The following ARSG variants were observed in gnomAD, a reference collection of about 807,000 sequenced individuals.
The protein encoded by ARSG is arylsulfatase G.
ARSG carries 37 observed loss-of-function variants against 50.5 expected under a neutral mutation model. That is an observed-to-expected ratio of 0.73 (90% confidence interval 0.56 to 0.96). ARSG has a LOEUF of 0.96. Among genes scored for constraint, ARSG ranks in the 50% least tolerant of loss-of-function variants. The pLI is 0.00. For synonymous variants in ARSG, 225 were observed against 254.6 expected (o/e 0.88, Z 1.11); for missense variants, 629 against 675.3 (o/e 0.93, Z 0.76).
upstream of ARSG, among the ~76,000 whole-genome samples, chr17:68,287,398 G>A (rs189383434): frequency 3.4e-3 from 514 of 151,792 alleles, 6 homozygotes; most frequent in African/African-American, 0.011. Context: ...GGACTCAAGC[G>A]ATCCTCCCAC....
rs202073915 is a variant in ARSG, at chr17:68,407,598, GT to G, written c.1303+6161del. Among the ~76,000 whole-genome samples, 310 of 144,316 alleles carry G rather than the reference GT, an allele frequency of 2.1e-3. 3 individuals are homozygous for G. Among genetic ancestry groups the G allele is most frequent in the African/African-American group, 6.3e-3 (250 of 39,602 alleles). The allele number at this position is 144,316 out of a possible 152,430, so 94.7% of individuals were successfully genotyped here. A position where few individuals can be genotyped will look rare whatever the true frequency, so the allele number is the denominator to read the frequency against. On this transcript the variant is annotated intron_variant, in intron 11 of 11. Coordinates refer to ENST00000621439, the MANE Select transcript of ARSG (RefSeq NM_001267727.2). ...CCTCCTTGGTTAGGTATATTCCTAA[GT>G]TTTTTTTTTTTTCAGCTATTGTAAA...
chr17:68,284,103 C>CAA (rs1189737736), intron 1 of ARSG, among the ~76,000 whole-genome samples: 1,241 of 55,756 alleles, frequency 0.022, 23 homozygotes, highest in Admixed American at 0.056. Flanking sequence ...GACTCTGTCT[C>CAA]AAAAAAAAAA....
At position 68,385,050 on chromosome 17, in the gene ARSG, C is replaced by A; in HGVS notation, c.983-14C>A. 1 of 1,610,124 alleles carries A rather than the reference C, an allele frequency of 6.2e-7. No homozygotes were observed. The highest frequency in any genetic ancestry group is 8.5e-7 in the Non-Finnish European group (1 of 1,176,506). ...TCACCATGGATGAACCAGCTGCCTC[C>A]CCTCCTCTCACAGGGGGAAGTCCAG... On this transcript the variant is annotated splice_polypyrimidine_tract_variant and intron_variant, in intron 8 of 11. Transcript: ENST00000621439.
Position 68,343,783 on chromosome 17 carries a change from G to A in ARSG, c.398G>A (p.Gly133Glu). The A allele has an allele frequency of 6.2e-7, 1 of 1,610,758 alleles. No individual in the cohort carries two copies. Among genetic ancestry groups the A allele is most frequent in the South Asian group, 1.1e-5 (1 of 90,894 alleles). ...EVLQQAGYVT[G>E]IIGKWHLGHH... ...CTGCAGCAGGCGGGTTACGTCACTG[G>A]GATAATAGGTAACTCTGGGCCCCGT... is the stretch of plus-strand genomic sequence containing the variant. Residue 133 changes from glycine (G) to glutamate (E), a missense_variant, in exon 3 of 12, where the codon GGG (glycine) becomes GAG (glutamate). Coordinates refer to ENST00000621439, the MANE Select transcript of ARSG (RefSeq NM_001267727.2).
At chr17:68,425,434 T>C (rs1248380141), downstream of ARSG, among the ~76,000 whole-genome samples, 1 of 150,366 alleles carries the variant, frequency 6.7e-6, no homozygotes, top group Non-Finnish European at 1.5e-5. Flanking sequence ...TTGCCCAGGC[T>C]GGTCTCTAAC....
the ARSG span, among the ~76,000 whole-genome samples, chr17:68,431,449 G>C: frequency 6.6e-6 from 1 of 152,102 alleles, no homozygotes; most frequent in Non-Finnish European, 1.5e-5. Flanking sequence ...TTCTGGGGGT[G>C]GTGGCTGCTG....
chr17:68,375,123 C>T (rs2080081486), intron 8 of ARSG, among the ~76,000 whole-genome samples: 2 of 152,150 alleles, frequency 1.3e-5, no homozygotes, highest in South Asian at 4.1e-4. Flanking sequence ...CCCTGGGGAT[C>T]TTGCTAACCT....
At chr17:68,388,299 G>C (rs980419916) in intron 9 of ARSG, among the ~76,000 whole-genome samples, 1 of 152,146 alleles carries the variant, frequency 6.6e-6, no homozygotes, top group Admixed American at 6.5e-5. Flanking sequence ...CGTTTTGGAG[G>C]ACTGTCCTGT....
intron 1 of ARSG, chr17:68,273,881 C>T: frequency 6.3e-7 from 1 of 1,588,848 alleles, no homozygotes; most frequent in Non-Finnish European, 8.6e-7. Context: ...CCTTGTTCTT[C>T]AAACTAAGTG....
chr17:68,388,382 C>T (rs901106540), intron 9 of ARSG, among the ~76,000 whole-genome samples: 1 of 152,132 alleles, frequency 6.6e-6, no homozygotes, highest in Non-Finnish European at 1.5e-5. Context: ...CACCCCACCC[C>T]CTAAGTTGTA....
intron 1 of ARSG, among the ~76,000 whole-genome samples, chr17:68,281,676 C>T (rs1555752844): frequency 6.6e-6 from 1 of 152,144 alleles, no homozygotes; most frequent in Non-Finnish European, 1.5e-5. Context: ...CTCAACATCA[C>T]AAATCATTAC....
chr17:68,334,626 C>T (rs757580401), intron 2 of ARSG, among the ~76,000 whole-genome samples: 3 of 152,024 alleles, frequency 2.0e-5, no homozygotes, highest in Non-Finnish European at 2.9e-5. Flanking sequence ...TGACTAAGGT[C>T]GCCTCGTGGA....
rs992203458 is a variant in ARSG, at chr17:68,283,385, G to A, written c.-551-23558G>A. On this transcript the variant is annotated intron_variant, in intron 1 of 11. Coordinates refer to the ARSG transcript ENST00000448504. ...AATACAAAAAAATTAGCCAGGCGTG[G>A]TGGCGGGCGCCTGTAGTCCCAGCTA... Among the ~76,000 whole-genome samples, 4 of 152,016 alleles carry A rather than the reference G, an allele frequency of 2.6e-5. No homozygotes were observed. The South Asian group carries it at 6.2e-4, about 24-fold the overall frequency.
At chr17:68,321,615 C>T (rs918937450) in intron 2 of ARSG, among the ~76,000 whole-genome samples, 12 of 152,188 alleles carry the variant, frequency 7.9e-5, no homozygotes, top group African/African-American at 1.9e-4. Flanking sequence ...AGGCTGGACA[C>T]GCTTAACTTT....
In ARSG at chr17:68,322,357, G is replaced by A. The variant is rs782063072; in HGVS notation, c.218+14646G>A. ...AAATGTACGATAGCTGGCCGGGCGC[G>A]GTGGCTCATGCCTATAATCCCAGCA... On this transcript the variant is annotated intron_variant, in intron 2 of 11. Transcript: ENST00000621439. Among the ~76,000 whole-genome samples the A allele has an allele frequency of 2.2e-4, 33 of 152,298 alleles. 1 individual carries two copies. The highest frequency in any genetic ancestry group is 4.1e-4 in the Non-Finnish European group (28 of 68,030).
intron 8 of ARSG, among the ~76,000 whole-genome samples, chr17:68,377,822 A>AT (rs1172481322): frequency 6.6e-6 from 1 of 152,230 alleles, no homozygotes; most frequent in Non-Finnish European, 1.5e-5. Context: ...GCACCTCAAG[A>AT]TAACATTCTT....
At chr17:68,279,300 C>A (rs918492460) in intron 1 of ARSG, among the ~76,000 whole-genome samples, 30 of 151,958 alleles carry the variant, frequency 2.0e-4, no homozygotes, top group African/African-American at 6.0e-4. Context: ...TGTCCCTGGC[C>A]ACCGCGATCA....
intron 2 of ARSG, among the ~76,000 whole-genome samples, chr17:68,324,235 C>T (rs193273713): frequency 3.3e-5 from 5 of 152,234 alleles, no homozygotes; most frequent in African/African-American, 9.6e-5. Flanking sequence ...AGCTTGTGCA[C>T]AGGAAGAAAA....
intron 2 of ARSG, 52 bp downstream of exon 2, chr17:68,307,763 C>A: frequency 3.0e-6 from 3 of 1,000,800 alleles, no homozygotes; most frequent in Non-Finnish European, 4.7e-6. Context: ...TACTCCCGTT[C>A]TTGAGAGGGG....
Sources: gnomAD v4.1 joint callset for allele counts (sites outside exome capture counted in the v4.1 genomes callset) on GRCh38, gnomAD v4.1.1 for gene constraint, MANE v1.5 for transcripts, NCBI Gene and HGNC (gene_info 2026-07-23, HGNC 2026-07-21) for gene names.